The following SPAG17 variants were observed in gnomAD, a reference collection of about 807,000 sequenced individuals.
SPAG17 encodes sperm-associated antigen 17.
Under a neutral mutation model 273.6 loss-of-function variants are expected in SPAG17, and 169 were observed. The ratio of observed to expected loss-of-function variants is 0.62; its 90% CI spans 0.55 to 0.70. The LOEUF (loss-of-function observed/expected upper bound fraction) is 0.70, where lower values mean the gene tolerates loss of function less well. SPAG17 is among the 30% of genes least tolerant of loss of function. The probability of loss-of-function intolerance (pLI) is 0.00; values close to 1 mark genes in which losing one functional copy is unlikely to be tolerated. For missense variants in SPAG17, 2,557 were observed against 2,627.8 expected (o/e 0.97, Z 0.59); for synonymous variants, 825 against 873.2 (o/e 0.94, Z 0.97).
chr1:118,148,407 G>A (rs913180726), intron 3 of SPAG17, among the ~76,000 whole-genome samples: 4 of 152,190 alleles, frequency 2.6e-5, no homozygotes, highest in African/African-American at 9.7e-5. Context: ...CTGCTGCAAG[G>A]TGCTAGCTCA....
At chr1:118,097,648 T>C (rs764248837) in intron 7 of SPAG17, 22 bp downstream of exon 7, 3 of 1,535,180 alleles carry the variant, frequency 2.0e-6, no homozygotes, top group Admixed American at 4.3e-5. Context: ...AACCATGCAC[T>C]CTCAGTAATG....
chr1:117,959,525 T>A (rs969260067), intron 48 of SPAG17: 23 of 1,398,634 alleles, frequency 1.6e-5, no homozygotes, highest in Non-Finnish European at 2.2e-5. Flanking sequence ...AGAGTTGGCG[T>A]CATCTTAAAA....
intron 48 of SPAG17, chr1:117,956,962 A>C: frequency 1.0e-6 from 1 of 984,324 alleles, no homozygotes; most frequent in East Asian, 2.7e-5. Flanking sequence ...AGATGTATCC[A>C]AGTATAAAAT....
At chr1:117,985,260 T>C (rs756231095) in intron 40 of SPAG17, among the ~76,000 whole-genome samples, 3 of 152,164 alleles carry the variant, frequency 2.0e-5, no homozygotes, top group Non-Finnish European at 2.9e-5. Context: ...AGAAAAGCAA[T>C]CAGGATAGTA....
intron 1 of SPAG17, among the ~76,000 whole-genome samples, chr1:118,181,173 A>G (rs2102411073): frequency 6.6e-6 from 1 of 152,242 alleles, no homozygotes; most frequent in South Asian, 2.1e-4. Context: ...TAAACATGTC[A>G]CACAAAAAAA....
At chr1:118,150,454 G>T (rs1659310456) in intron 3 of SPAG17, 89 bp downstream of exon 3, 2 of 655,584 alleles carry the variant, frequency 3.1e-6, no homozygotes, top group Non-Finnish European at 2.5e-6. Context: ...TATTTTCAAA[G>T]AATGAAATTT....
rs1215179887 is a variant in SPAG17, at chr1:117,996,707, CA to C, written c.4812del (p.Glu1605LysfsTer8). ...TTTAAATCATCTTCCAATTTTTTTTCAGGTAATATAGTTGATATGCTACCAT... is the reference window on the plus strand; with the variant it reads ...TTTAAATCATCTTCCAATTTTTTTTCGGTAATATAGTTGATATGCTACCAT... ...MADGSISTIL[P>X]EKKLEDDLNE... On this transcript the variant is annotated frameshift_variant, in exon 33 of 49. Coordinates refer to ENST00000336338, the MANE Select transcript of SPAG17 (RefSeq NM_206996.4). LOFTEE classifies it high-confidence loss of function. 1 of 1,612,022 alleles carries C rather than the reference CA, an allele frequency of 6.2e-7. No homozygotes were observed. The highest frequency in any genetic ancestry group is 1.3e-5 in the African/African-American group (1 of 74,746).
intron 46 of SPAG17, among the ~76,000 whole-genome samples, chr1:117,967,483 T>A (rs1041762344): frequency 6.6e-6 from 1 of 151,778 alleles, no homozygotes; most frequent in Admixed American, 6.6e-5. Context: ...TAAAAAAAAA[T>A]CGCAAAAAAA....
intron 43 of SPAG17, 41 bp from the exon 44 acceptor site, chr1:117,973,602 T>C: frequency 6.3e-7 from 1 of 1,585,926 alleles, no homozygotes; most frequent in African/African-American, 1.3e-5. Context: ...ATGGACATTT[T>C]ATTCAAACAC....
chr1:118,051,479 T>C (rs994454919), intron 20 of SPAG17, among the ~76,000 whole-genome samples: 3 of 151,722 alleles, frequency 2.0e-5, no homozygotes, highest in Admixed American at 2.0e-4. Context: ...AGCCTAGATA[T>C]GGAATCAACC....
At chr1:118,020,156 C>T (rs1660361908) in intron 28 of SPAG17, among the ~76,000 whole-genome samples, 3 of 152,152 alleles carry the variant, frequency 2.0e-5, no homozygotes, top group South Asian at 2.1e-4. Context: ...GCAGGCCAGG[C>T]GCAGTGGCTT....
At chr1:117,981,464 T>C (rs933705546) in intron 42 of SPAG17, 63 bp from the exon 43 acceptor site, 2 of 1,498,828 alleles carry the variant, frequency 1.3e-6, no homozygotes, top group Admixed American at 4.9e-5. Flanking sequence ...TGACTACTAA[T>C]GTTTGCATGA....
Position 118,097,734 on chromosome 1 carries a change from G to GC in SPAG17, c.946dup (p.Ala316GlyfsTer4). The GC allele has an allele frequency of 6.2e-7, 1 of 1,610,690 alleles. No individual in the cohort carries two copies. Among genetic ancestry groups the GC allele is most frequent in the South Asian group, 1.1e-5 (1 of 90,312 alleles). Reference sequence around the variant, plus strand: ...TGCTTTGACCATGTACTCAAGTCGAGCAACATCAAAGAGATTTGTTTCAGG... The same window carrying GC: ...TGCTTTGACCATGTACTCAAGTCGAGCCAACATCAAAGAGATTTGTTTCAGG... On this transcript the variant is annotated frameshift_variant, in exon 7 of 49. Transcript: ENST00000336338. LOFTEE classifies it high-confidence loss of function.
At chr1:118,002,064 C>T (rs1658345557) in intron 32 of SPAG17, among the ~76,000 whole-genome samples, 1 of 152,124 alleles carries the variant, frequency 6.6e-6, no homozygotes, top group Non-Finnish European at 1.5e-5. Flanking sequence ...TTATTGCTGC[C>T]TTTATTTTGT....
Position 118,065,026 on chromosome 1 carries a change from A to C in SPAG17, c.2540+1719T>G, listed in dbSNP as rs539629286. ...GAGATAAAAGGAGAAAGAGTTAGAA[A>C]GCAAGAACAGATTTCTTAAAAATAT... On this transcript the variant is annotated intron_variant, in intron 18 of 48. Transcript: ENST00000336338. Among the ~76,000 whole-genome samples the C allele has an allele frequency of 1.2e-3, 176 of 152,206 alleles. 2 individuals are homozygous for C. The highest frequency in any genetic ancestry group is 4.0e-3 in the African/African-American group (167 of 41,576).
chr1:118,123,027 A>G (rs1018111654), intron 3 of SPAG17, among the ~76,000 whole-genome samples: 12 of 152,216 alleles, frequency 7.9e-5, no homozygotes, highest in Middle Eastern at 3.2e-3. Context: ...GCAGAGATAA[A>G]AAGAAAAGGT....
chr1:117,985,326 A>G (rs1656289214), intron 40 of SPAG17, among the ~76,000 whole-genome samples: 1 of 152,204 alleles, frequency 6.6e-6, no homozygotes, highest in Admixed American at 6.5e-5. Flanking sequence ...GGGAAAGCCA[A>G]TGAGATGTAA....
chr1:118,164,169 T>C (rs1660057277), intron 1 of SPAG17, among the ~76,000 whole-genome samples: 1 of 152,230 alleles, frequency 6.6e-6, no homozygotes, highest in African/African-American at 2.4e-5. Flanking sequence ...TCCCATGCTA[T>C]TGCCTCTGCT....
At chr1:118,074,701 G>T in intron 15 of SPAG17, 101 bp from the exon 16 acceptor site, 1 of 1,074,946 alleles carries the variant, frequency 9.3e-7, no homozygotes, top group Non-Finnish European at 1.4e-6. Flanking sequence ...CTATGTTTCT[G>T]TGCTGAAAAG....
Sources: gnomAD v4.1 joint callset for allele counts (sites outside exome capture counted in the v4.1 genomes callset) on GRCh38, gnomAD v4.1.1 for gene constraint, MANE v1.5 for transcripts, NCBI Gene and HGNC (gene_info 2026-07-23, HGNC 2026-07-21) for gene names.